The following GRM7 variants were observed in gnomAD, a reference collection of about 807,000 sequenced individuals.
GRM7 encodes the protein glutamate metabotropic receptor 7.
A neutral mutation model predicts 84.5 loss-of-function variants in GRM7; 35 were observed. The ratio of observed to expected loss-of-function variants is 0.41; its 90% confidence interval spans 0.32 to 0.55. The LOEUF (loss-of-function observed/expected upper bound fraction) is 0.55, where lower values mean the gene tolerates loss of function less well. Among genes scored for constraint, GRM7 ranks in the 20% least tolerant of loss-of-function variants. The pLI is 0.19. For synonymous variants in GRM7, 487 were observed against 455.1 expected (o/e 1.07, Z -0.89); for missense variants, 1,003 against 1,194.6 (o/e 0.84, Z 2.36).
intron 8 of GRM7, among the ~76,000 whole-genome samples, chr3:7,590,509 C>A (rs1016286819): frequency 1.3e-5 from 2 of 152,106 alleles, no homozygotes; most frequent in African/African-American, 4.8e-5. Context: ...CGGAACTTTA[C>A]CAGTAAAGCT....
intron 9 of GRM7, among the ~76,000 whole-genome samples, chr3:7,692,839 C>CATCA (rs1188635928): frequency 6.6e-6 from 1 of 151,880 alleles, no homozygotes; most frequent in African/African-American, 2.4e-5. Context: ...TCCATCTCAT[C>CATCA]ATCATTTCTT....
chr3:7,031,406 T>TTTTATTTATTTA (rs200421808), intron 1 of GRM7, among the ~76,000 whole-genome samples: 6 of 150,190 alleles, frequency 4.0e-5, no homozygotes, highest in African/African-American at 1.5e-4. Flanking sequence ...ATTTTTTAAA[T>TTTTATTTATTTA]TTTATTTATT....
At chr3:7,553,669 A>G (rs1205386258) in intron 7 of GRM7, among the ~76,000 whole-genome samples, 1 of 152,076 alleles carries the variant, frequency 6.6e-6, no homozygotes, top group East Asian at 1.9e-4. Flanking sequence ...AAGGGGAGAA[A>G]AGCCTCCTAT....
At chr3:7,215,586 A>G (rs1696578495) in intron 2 of GRM7, among the ~76,000 whole-genome samples, 1 of 151,842 alleles carries the variant, frequency 6.6e-6, no homozygotes, top group Non-Finnish European at 1.5e-5. Flanking sequence ...AATGGCGTGA[A>G]CCCGGGGGGC....
At chr3:7,270,690 A>C (rs543766501) in intron 2 of GRM7, among the ~76,000 whole-genome samples, 1 of 152,314 alleles carries the variant, frequency 6.6e-6, no homozygotes, top group South Asian at 2.1e-4. Flanking sequence ...GATGCTCGCC[A>C]CTTGCAGAGC....
chr3:7,203,529 A>G (rs961007962), intron 2 of GRM7, among the ~76,000 whole-genome samples: 2 of 151,984 alleles, frequency 1.3e-5, no homozygotes, highest in African/African-American at 4.8e-5. Context: ...TATCTTGGCT[A>G]TTGTGAATAA....
At chr3:7,139,793 G>A (rs1693888869) in intron 1 of GRM7, among the ~76,000 whole-genome samples, 1 of 151,780 alleles carries the variant, frequency 6.6e-6, no homozygotes, top group Non-Finnish European at 1.5e-5. Context: ...TGAAAGCTCA[G>A]GCTACAAAAG....
chr3:7,162,028 A>C lies in GRM7; in HGVS notation c.736+15360A>C, dbSNP rs537409243. Among the ~76,000 whole-genome samples the C allele has an allele frequency of 6.6e-5, 10 of 152,310 alleles. No homozygotes were observed. In the South Asian group the frequency reaches 1.7e-3, roughly 25 times the overall value. On this transcript the variant is annotated intron_variant, in intron 2 of 9. Transcript: ENST00000357716. Reference sequence around the variant, plus strand: ...TGCAGAGGTTGAAGGAGATGTATATATTTAGGTTGTGAACAACTAATTGGA... The same window carrying C: ...TGCAGAGGTTGAAGGAGATGTATATCTTTAGGTTGTGAACAACTAATTGGA...
intron 2 of GRM7, among the ~76,000 whole-genome samples, chr3:7,220,751 C>A (rs1285181017): frequency 6.6e-6 from 1 of 152,064 alleles, no homozygotes; most frequent in African/African-American, 2.4e-5. Flanking sequence ...CTGTAATTGT[C>A]TTCACAATTT....
chr3:7,125,359 C>A (rs1240821068), intron 1 of GRM7, among the ~76,000 whole-genome samples: 1 of 152,164 alleles, frequency 6.6e-6, no homozygotes, highest in East Asian at 1.9e-4. Flanking sequence ...AGAAGAGTCT[C>A]AAAAACAAAA....
Position 7,150,170 on chromosome 3 carries a change from G to A in GRM7, c.736+3502G>A, listed in dbSNP as rs1400550725. Among the ~76,000 whole-genome samples, 15 of 152,150 alleles carry A rather than the reference G, an allele frequency of 9.9e-5. No homozygotes were observed. In the East Asian group the frequency reaches 2.9e-3, roughly 29 times the overall value. On this transcript the variant is annotated intron_variant, in intron 2 of 9. Transcript: ENST00000357716. ...CAGTGTACTGCTGGCAGGTTGGAAG[G>A]ATTTACTTCCATTGTTTCTGAACAG...
At chr3:7,055,162 T>C (rs2124960933) in intron 1 of GRM7, among the ~76,000 whole-genome samples, 1 of 152,082 alleles carries the variant, frequency 6.6e-6, no homozygotes, top group Admixed American at 6.6e-5. Flanking sequence ...TTCTAGTTAA[T>C]GTACCAAACA....
intron 1 of GRM7, among the ~76,000 whole-genome samples, chr3:6,904,480 T>C (rs1696497553): frequency 6.6e-6 from 1 of 152,188 alleles, no homozygotes; most frequent in African/African-American, 2.4e-5. Flanking sequence ...TTCAGCAAGC[T>C]ATATAAGACA....
intron 1 of GRM7, among the ~76,000 whole-genome samples, chr3:6,952,163 G>A (rs545448549): frequency 6.6e-6 from 1 of 152,100 alleles, no homozygotes; most frequent in African/African-American, 2.4e-5. Flanking sequence ...TCATTCTGGT[G>A]TTCCTTCCAA....
intron 7 of GRM7, among the ~76,000 whole-genome samples, chr3:7,563,463 G>C (rs1694118438): frequency 6.6e-6 from 1 of 152,134 alleles, no homozygotes; most frequent in Non-Finnish European, 1.5e-5. Context: ...TAAGTACAGG[G>C]AAGAGAAAGA....
intron 2 of GRM7, among the ~76,000 whole-genome samples, chr3:7,228,922 G>C (rs1225828166): frequency 2.6e-5 from 4 of 152,226 alleles, no homozygotes; most frequent in African/African-American, 9.6e-5. Context: ...AGCATTAATA[G>C]TTTTATTAAA....
At chr3:7,365,641 G>A (rs1320607979) in intron 4 of GRM7, among the ~76,000 whole-genome samples, 5 of 80,888 alleles carry the variant, frequency 6.2e-5, no homozygotes, top group East Asian at 3.2e-4. Context: ...GTGTGTGTGC[G>A]TGTGTGTATA....
At chr3:7,147,401 A>T (rs1033310998) in intron 2 of GRM7, among the ~76,000 whole-genome samples, 1 of 152,142 alleles carries the variant, frequency 6.6e-6, no homozygotes, top group African/African-American at 2.4e-5. Context: ...GTAAATACAT[A>T]CCAATATGCA....
chr3:7,365,842 G>C (rs1224354474), intron 4 of GRM7, among the ~76,000 whole-genome samples: 1 of 150,758 alleles, frequency 6.6e-6, no homozygotes, highest in East Asian at 1.9e-4. Context: ...GGAGGAGGTA[G>C]CTCTTTCTCT....
Sources: allele counts gnomAD v4.1 joint callset (sites outside exome capture counted in the v4.1 genomes callset), GRCh38; gene constraint gnomAD v4.1.1; transcripts MANE v1.5; gene names NCBI Gene and HGNC (gene_info 2026-07-23, HGNC 2026-07-21).